Variants in STK3 observed in about 807,000 individuals in gnomAD.
The protein encoded by STK3 is serine/threonine-protein kinase 3.
A neutral mutation model predicts 58.0 loss-of-function variants in STK3; 41 were observed. That is an observed-to-expected ratio of 0.71 (90% CI 0.55 to 0.92). The LOEUF (loss-of-function observed/expected upper bound fraction) is 0.92. Ranked by LOEUF, STK3 falls within the 40% of genes least tolerant of loss-of-function variation. STK3 has a pLI of 0.00. For synonymous variants in STK3, 170 were observed against 191.0 expected (o/e 0.89, Z 0.91); for missense variants, 479 against 602.7 (o/e 0.79, Z 2.15).
At chr8:98,929,145 A>G (rs979650944) in intron 1 of STK3, among the ~76,000 whole-genome samples, 5 of 152,208 alleles carry the variant, frequency 3.3e-5, no homozygotes, top group African/African-American at 1.2e-4. Flanking sequence ...AGATGCCTGT[A>G]ATCCCAGCTA....
intron 4 of STK3, among the ~76,000 whole-genome samples, chr8:98,736,055 A>G (rs974781881): frequency 6.6e-6 from 1 of 152,190 alleles, no homozygotes; most frequent in Non-Finnish European, 1.5e-5. Context: ...CAAAAAGAAC[A>G]TGAAACAGCC....
At chr8:98,347,118 G>T in the STK3 span, among the ~76,000 whole-genome samples, 1 of 151,854 alleles carries the variant, frequency 6.6e-6, no homozygotes, top group Non-Finnish European at 1.5e-5. Flanking sequence ...AATGTAAAAT[G>T]TTAGAGATGT....
chr8:98,614,988 A>G (rs1443469529), intron 6 of STK3, among the ~76,000 whole-genome samples: 8 of 152,200 alleles, frequency 5.3e-5, no homozygotes, highest in Non-Finnish European at 1.0e-4. Context: ...CTGCCTCTGT[A>G]AGCTCCACGT....
chr8:98,547,823 G>T (rs985571947), intron 9 of STK3, 146 bp downstream of exon 9: 1 of 595,266 alleles, frequency 1.7e-6, no homozygotes, highest in Admixed American at 4.2e-5. Context: ...GGTGACTTGT[G>T]CCATACTCTT....
intron 3 of STK3, among the ~76,000 whole-genome samples, chr8:98,751,855 A>T (rs1278670292): frequency 1.3e-5 from 2 of 152,040 alleles, no homozygotes; most frequent in Non-Finnish European, 2.9e-5. Context: ...CAGGAAAATC[A>T]CTTGAACTCA....
chr8:98,872,787 C>A (rs1178204065), intron 3 of STK3, among the ~76,000 whole-genome samples: 2 of 152,142 alleles, frequency 1.3e-5, no homozygotes, highest in African/African-American at 4.8e-5. Context: ...TTTCAAAAAA[C>A]CAGCTCCTGG....
chr8:98,600,717 A>G (rs1168175126), intron 6 of STK3, among the ~76,000 whole-genome samples: 1 of 152,226 alleles, frequency 6.6e-6, no homozygotes, highest in African/African-American at 2.4e-5. Context: ...CTAACGGTGG[A>G]AAACTGAAGA....
At chr8:98,399,167 C>A (rs1186383399), downstream of STK3, among the ~76,000 whole-genome samples, 10 of 152,172 alleles carry the variant, frequency 6.6e-5, no homozygotes, top group Non-Finnish European at 1.5e-4. Context: ...GTGACTCACC[C>A]CCACCCAGAG....
At chr8:98,525,949 A>G (rs1825714118) in intron 10 of STK3, among the ~76,000 whole-genome samples, 1 of 151,922 alleles carries the variant, frequency 6.6e-6, no homozygotes, top group Non-Finnish European at 1.5e-5. Flanking sequence ...TTTATTAATA[A>G]ATAAAACTAT....
At chr8:98,872,009 T>C (rs777461035) in intron 3 of STK3, among the ~76,000 whole-genome samples, 2 of 152,218 alleles carry the variant, frequency 1.3e-5, no homozygotes, top group Non-Finnish European at 2.9e-5. Context: ...TATTTTGAGA[T>C]ACATCCCATC....
intron 8 of STK3, among the ~76,000 whole-genome samples, chr8:98,555,159 CCTA>C (rs1387709851): frequency 1.3e-5 from 2 of 152,058 alleles, no homozygotes; most frequent in Non-Finnish European, 2.9e-5. Context: ...ATTAGGAAAT[CCTA>C]CTCCACTGCT....
At chr8:98,651,221 C>G (rs1820895986) in intron 6 of STK3, among the ~76,000 whole-genome samples, 2 of 152,220 alleles carry the variant, frequency 1.3e-5, no homozygotes, top group African/African-American at 2.4e-5. Flanking sequence ...TGCTGGTACC[C>G]AGGCAAACCG....
At chr8:98,895,498 G>C (rs1838411649) in intron 1 of STK3, among the ~76,000 whole-genome samples, 1 of 152,178 alleles carries the variant, frequency 6.6e-6, no homozygotes, top group Admixed American at 6.5e-5. Context: ...TCAGGACAAG[G>C]CATTCTTTTG....
At chr8:98,493,067 ATT>A (rs549015356) in intron 10 of STK3, among the ~76,000 whole-genome samples, 3 of 139,266 alleles carry the variant, frequency 2.2e-5, no homozygotes, top group Admixed American at 1.4e-4. Context: ...CCAACTCTAC[ATT>A]TTTTTTTTTT....
At chr8:98,581,599 G>A (rs781278478) in intron 7 of STK3, among the ~76,000 whole-genome samples, 14 of 151,634 alleles carry the variant, frequency 9.2e-5, no homozygotes, top group African/African-American at 3.4e-4. Flanking sequence ...AGAGTAGAAC[G>A]GTTATCATCT....
the STK3 span, among the ~76,000 whole-genome samples, chr8:98,345,032 T>C: frequency 7.9e-5 from 12 of 151,518 alleles, no homozygotes; most frequent in African/African-American, 2.7e-4. Flanking sequence ...AAAGGAGGTA[T>C]AAAATAAAAC....
chr8:98,881,761 A>G (rs997263166), downstream of STK3: 2 of 152,346 alleles, frequency 1.3e-5, no homozygotes, highest in South Asian at 4.1e-4. Flanking sequence ...AAATTTCCCT[A>G]TGAATTAATG....
intron 6 of STK3, among the ~76,000 whole-genome samples, chr8:98,698,946 T>A (rs1377841897): frequency 6.6e-6 from 1 of 152,150 alleles, no homozygotes; most frequent in African/African-American, 2.4e-5. Flanking sequence ...CTGGATAATA[T>A]CCTGCAGAGT....
At chr8:98,508,639 T>C (rs1824270307) in intron 10 of STK3, among the ~76,000 whole-genome samples, 1 of 152,198 alleles carries the variant, frequency 6.6e-6, no homozygotes, top group South Asian at 2.1e-4. Context: ...GGTGTGTGAA[T>C]TATATCTCAA....
Sources: allele counts gnomAD v4.1 joint callset (sites outside exome capture counted in the v4.1 genomes callset), GRCh38; gene constraint gnomAD v4.1.1; transcripts MANE v1.5; gene names NCBI Gene and HGNC (gene_info 2026-07-23, HGNC 2026-07-21).